The following VPS54 variants were observed in gnomAD, a reference collection of about 807,000 sequenced individuals.
VPS54 encodes vacuolar protein sorting-associated protein 54.
VPS54 carries 45 observed loss-of-function variants against 121.5 expected under a neutral mutation model. That is an observed-to-expected ratio of 0.37 (90% CI 0.29 to 0.47). VPS54 has a LOEUF of 0.47. VPS54 is among the 20% of genes least tolerant of loss of function. VPS54 has a pLI of 0.99. For synonymous variants in VPS54, 371 were observed against 385.8 expected, an observed-to-expected ratio of 0.96 and a Z score of 0.45; for missense variants, 1,090 against 1,131.4, an observed-to-expected ratio of 0.96 and a Z score of 0.52.
At chr2:64,006,914 C>T (rs942266561) in intron 1 of VPS54, among the ~76,000 whole-genome samples, 20 of 152,212 alleles carry the variant, frequency 1.3e-4, no homozygotes, top group African/African-American at 3.9e-4. Context: ...CCACCACGCC[C>T]GGCAAACATC....
intron 7 of VPS54, among the ~76,000 whole-genome samples, chr2:63,960,581 A>C (rs931742696): frequency 3.9e-5 from 6 of 152,298 alleles, no homozygotes; most frequent in Middle Eastern, 3.4e-3. Context: ...CTTTGATTCT[A>C]TTTCTCAGCT....
At chr2:63,926,893 G>A (rs1441379454) in intron 12 of VPS54, among the ~76,000 whole-genome samples, 1 of 152,192 alleles carries the variant, frequency 6.6e-6, no homozygotes, top group Non-Finnish European at 1.5e-5. Flanking sequence ...GGTAGCACAG[G>A]AGTCTGAGAT....
intron 12 of VPS54, among the ~76,000 whole-genome samples, chr2:63,928,456 G>C (rs1674021508): frequency 6.6e-6 from 1 of 152,156 alleles, no homozygotes; most frequent in Non-Finnish European, 1.5e-5. Flanking sequence ...ACAAGCAAAT[G>C]CTGAGAGATT....
chr2:63,949,215 T>C, intron 7 of VPS54, 52 bp from the exon 8 acceptor site: 1 of 1,554,094 alleles, frequency 6.4e-7, no homozygotes, highest in Non-Finnish European at 8.6e-7. Context: ...AACTACAAAT[T>C]CGCTCCACAA....
At chr2:64,003,375 T>C (rs369802174) in intron 1 of VPS54, among the ~76,000 whole-genome samples, 2 of 152,354 alleles carry the variant, frequency 1.3e-5, no homozygotes, top group African/African-American at 4.8e-5. Context: ...ATGAATACTA[T>C]GTTCAAATAT....
At chr2:63,973,985 T>C (rs780612159) in intron 3 of VPS54, among the ~76,000 whole-genome samples, 5 of 152,240 alleles carry the variant, frequency 3.3e-5, no homozygotes, top group Non-Finnish European at 5.9e-5. Context: ...TTTTCTTTCA[T>C]GGATTGTGCT....
chr2:63,985,110 T>C (rs1317047324), intron 1 of VPS54, among the ~76,000 whole-genome samples: 1 of 152,136 alleles, frequency 6.6e-6, no homozygotes, highest in Admixed American at 6.6e-5. Flanking sequence ...ACTTGAGTCC[T>C]GGAGTTCAAG....
intron 4 of VPS54, 93 bp from the exon 5 acceptor site, chr2:63,969,084 T>A (rs1676148408): frequency 5.8e-6 from 6 of 1,029,468 alleles, no homozygotes; most frequent in Admixed American, 5.0e-5. Flanking sequence ...TTGTACTGGG[T>A]CACATCCAAA....
chr2:63,921,032 T>C (rs1673617408), intron 13 of VPS54, among the ~76,000 whole-genome samples, 174 bp downstream of exon 13: 2 of 152,236 alleles, frequency 1.3e-5, no homozygotes, highest in Non-Finnish European at 2.9e-5. Context: ...CTATTTATTT[T>C]AGATTACTTC....
chr2:63,947,495 T>A lies in VPS54; in HGVS notation c.1138-5A>T. 1 of 1,488,872 alleles carries A rather than the reference T, an allele frequency of 6.7e-7. No individual in the cohort carries two copies. The highest frequency in any genetic ancestry group is 9.1e-7 in the Non-Finnish European group (1 of 1,099,168). The allele number at this position is 1,488,872 out of a possible 1,614,324, so 92.2% of individuals were successfully genotyped here. A position where few individuals can be genotyped will look rare whatever the true frequency, so the allele number is the denominator to read the frequency against. On this transcript the variant is annotated splice_polypyrimidine_tract_variant and splice_region_variant and intron_variant, in intron 8 of 22. Coordinates refer to ENST00000272322, the MANE Select transcript of VPS54 (RefSeq NM_016516.3). ...TACAAGAGATATTAGTCTTTCCTGTTAAAATAAAAGTATGTAACTTGACAT... is the reference window on the plus strand; with the variant it reads ...TACAAGAGATATTAGTCTTTCCTGTAAAAATAAAAGTATGTAACTTGACAT...
intron 1 of VPS54, among the ~76,000 whole-genome samples, chr2:64,008,470 T>C (rs1678272180): frequency 6.7e-6 from 1 of 149,436 alleles, no homozygotes; most frequent in South Asian, 2.1e-4. Context: ...CAGAGTTACA[T>C]ACACACAGGA....
At position 63,986,078 on chromosome 2, in the gene VPS54, T is replaced by C. The variant is rs576764297; in HGVS notation, c.-20-2059A>G. 4.6e-5 allele frequency among the ~76,000 whole-genome samples: 7 copies of C among 152,340 alleles called. No homozygotes were observed. The South Asian group carries it at 1.4e-3, about 32-fold the overall frequency. ...ACAGCAAAAAACATTTTTGAAACTT[T>C]TTCAATTTTTGTGAGTACACAGTAG... is the stretch of plus-strand genomic sequence containing the variant. On this transcript the variant is annotated intron_variant, in intron 1 of 22. Transcript: ENST00000272322.
At chr2:63,931,306 T>A (rs141281060) in intron 12 of VPS54, among the ~76,000 whole-genome samples, 26,764 of 151,964 alleles carry the variant, frequency 0.18, 2,991 homozygotes, top group Middle Eastern at 0.27. Context: ...CCAAAACAGA[T>A]ATATAGACCA....
At chr2:63,913,480 G>A (rs1192763101) in intron 17 of VPS54, among the ~76,000 whole-genome samples, 170 bp from the exon 18 acceptor site, 1 of 152,092 alleles carries the variant, frequency 6.6e-6, no homozygotes, top group Non-Finnish European at 1.5e-5. Flanking sequence ...GAAATGAGAA[G>A]GGGAGATTCT....
intron 7 of VPS54, among the ~76,000 whole-genome samples, chr2:63,951,859 T>C (rs1381612461): frequency 6.6e-6 from 1 of 152,294 alleles, no homozygotes; most frequent in East Asian, 1.9e-4. Context: ...TTGTTCAAGG[T>C]CAAAGGTGTA....
At chr2:63,971,199 C>G (rs983152932) in intron 4 of VPS54, among the ~76,000 whole-genome samples, 9 of 152,220 alleles carry the variant, frequency 5.9e-5, no homozygotes, top group Middle Eastern at 3.2e-3. Flanking sequence ...ATTCCCTCTC[C>G]ATCTCCACTG....
At chr2:63,946,930 G>A (rs1057474890) in intron 9 of VPS54, among the ~76,000 whole-genome samples, 26 of 151,882 alleles carry the variant, frequency 1.7e-4, no homozygotes, top group Middle Eastern at 3.2e-3. Flanking sequence ...TCTTAAGTAC[G>A]AAAAACAAAC....
Position 63,916,937 on chromosome 2 carries a change from C to T in VPS54, c.2191G>A (p.Val731Ile). Residue 731 changes from valine (V) to isoleucine (I), a missense_variant, in exon 16 of 23, where the codon GTT (valine) becomes ATT (isoleucine). By Grantham distance (29) the Val-to-Ile change is conservative. Around this residue, in one of 2 missense-constraint regions of VPS54, gnomAD observed 289 missense variants for 374.4 expected, o/e 0.77. Transcript: ENST00000272322. Reference sequence around the variant, plus strand: ...TACTGTTGTCCCTCGACAATAAGAACTTCAGCTGGTTTCCTTTCTTCTGTG... The same window carrying T: ...TACTGTTGTCCCTCGACAATAAGAATTTCAGCTGGTTTCCTTTCTTCTGTG... ...GATEERKPAE[V>I]LIVEGQQYAV... The T allele has an allele frequency of 6.2e-7, 1 of 1,613,622 alleles. No homozygotes were observed. The highest frequency in any genetic ancestry group is 8.5e-7 in the Non-Finnish European group (1 of 1,179,656).
intron 20 of VPS54, among the ~76,000 whole-genome samples, chr2:63,901,505 G>A (rs1363104084): frequency 1.3e-5 from 2 of 152,206 alleles, no homozygotes; most frequent in African/African-American, 4.8e-5. Context: ...GAGGTACTCA[G>A]AAGAAACAGG....
Sources: allele counts gnomAD v4.1 joint callset (sites outside exome capture counted in the v4.1 genomes callset), GRCh38; gene constraint gnomAD v4.1.1; regional missense constraint gnomAD v4.1.1; transcripts MANE v1.5; gene names NCBI Gene and HGNC (gene_info 2026-07-23, HGNC 2026-07-21).